Variants in ZNF608 observed in about 807,000 individuals in gnomAD.
The protein encoded by ZNF608 is renal carcinoma antigen NY-REN-36.
Under a neutral mutation model 109.0 loss-of-function variants are expected in ZNF608, and 12 were observed. The ratio of observed to expected loss-of-function variants is 0.11; its 90% CI spans 0.07 to 0.18. The LOEUF is 0.18. ZNF608 is among the 10% of genes least tolerant of loss of function. The pLI is 1.00. For synonymous variants in ZNF608, 732 were observed against 717.4 expected (o/e 1.02, Z -0.33); for missense variants, 1,707 against 1,879.3 (o/e 0.91, Z 1.70).
Position 124,649,093 on chromosome 5 carries a change from C to T in ZNF608, c.1291G>A (p.Gly431Ser). 1.3e-6 allele frequency: 2 copies of T among 1,586,758 alleles called. No individual in the cohort carries two copies. Among genetic ancestry groups the T allele is most frequent in the Non-Finnish European group, 1.7e-6 (2 of 1,170,696 alleles). The part of the protein sequence containing the change: ...SPTSDLEMRG[G>S]RGRGKRARSA... The stretch of plus-strand genomic sequence containing the variant: ...CTCGCTCTCTTCCCTCTGCCCCGGC[C>T]CCCTCTCATCTCCAGGTCACTTGTC... The change falls in exon 5 of 10, where the codon GGC (glycine) becomes AGC (serine). Residue 431 changes from glycine (G) to serine (S), a missense_variant. Coordinates refer to ENST00000513986, the MANE Select transcript of ZNF608 (RefSeq NM_020747.3).
chr5:124,707,859 A>T lies in ZNF608; in HGVS notation c.907-6590T>A, dbSNP rs78100678. The T allele has an allele frequency of 7.2e-5, 11 of 152,326 alleles. 1 individual carries two copies. The East Asian group carries it at 2.1e-3, about 29-fold the overall frequency. The allele number at this position is 152,326 out of a possible 1,614,324, so 9.4% of individuals were successfully genotyped here. On this transcript the variant is annotated intron_variant, in intron 2 of 9. Transcript: ENST00000513986. The stretch of plus-strand genomic sequence containing the variant: ...CTGAATTTCCATCCCTAAAGGACAA[A>T]CCTGTAACAACTGAATTTTGGTCAC...
upstream of ZNF608, chr5:124,746,725 G>T: frequency 2.0e-6 from 2 of 985,172 alleles, no homozygotes; most frequent in Non-Finnish European, 2.4e-6. Flanking sequence ...GCTGGATTCC[G>T]CCTGTTAGTC....
rs138119138 is a variant in ZNF608 at position 124,663,256 on chromosome 5, A to T, written c.1163-13559T>A. On this transcript the variant is annotated intron_variant, in intron 3 of 9. Coordinates refer to ENST00000513986, the MANE Select transcript of ZNF608 (RefSeq NM_020747.3). ...GGCTTTCCGGTTTTCTTTGAAAGAG[A>T]AAACAGGCAGCCCATTATCTCTTCT... Among the ~76,000 whole-genome samples the T allele has an allele frequency of 3.3e-3, 510 of 152,292 alleles. 3 individuals carry two copies. Among genetic ancestry groups the T allele is most frequent in the Middle Eastern group, 0.01 (3 of 294 alleles).
chr5:124,638,178 G>A (rs1750064394), intron 9 of ZNF608, among the ~76,000 whole-genome samples: 1 of 151,908 alleles, frequency 6.6e-6, no homozygotes, highest in Non-Finnish European at 1.5e-5. Context: ...TCAAGCTCCT[G>A]ACCTCAGGTG....
intron 2 of ZNF608, among the ~76,000 whole-genome samples, chr5:124,735,896 G>C (rs1313504273): frequency 2.0e-5 from 3 of 152,062 alleles, no homozygotes; most frequent in African/African-American, 7.2e-5. Context: ...AATACGAATC[G>C]CTTTTCAATT....
At chr5:124,639,524 T>C (rs1425064686) in intron 8 of ZNF608, among the ~76,000 whole-genome samples, 2 of 152,196 alleles carry the variant, frequency 1.3e-5, no homozygotes, top group Non-Finnish European at 2.9e-5. Flanking sequence ...AAATAACAGA[T>C]ACCAGGTAAC....
At chr5:124,650,019 T>C (rs1750710806) in intron 3 of ZNF608, among the ~76,000 whole-genome samples, 1 of 152,268 alleles carries the variant, frequency 6.6e-6, no homozygotes. Context: ...CACTCACCTC[T>C]TAATTTTTCT....
chr5:124,677,315 A>G (rs1483439345), intron 3 of ZNF608, among the ~76,000 whole-genome samples: 1 of 152,222 alleles, frequency 6.6e-6, no homozygotes, highest in Non-Finnish European at 1.5e-5. Context: ...TAAAACACAA[A>G]GTAAATTGTG....
At chr5:124,657,575 G>A (rs561169051) in intron 3 of ZNF608, among the ~76,000 whole-genome samples, 2 of 152,004 alleles carry the variant, frequency 1.3e-5, no homozygotes, top group Non-Finnish European at 2.9e-5. Context: ...CTCGGGAGGC[G>A]GAGGCAGGTG....
intron 3 of ZNF608, among the ~76,000 whole-genome samples, chr5:124,680,631 C>G (rs1421981091): frequency 6.6e-6 from 1 of 152,290 alleles, no homozygotes; most frequent in East Asian, 1.9e-4. Flanking sequence ...TAGAAGCAGA[C>G]AGCCAACAGT....
At chr5:124,645,661 A>C (rs752558019) in intron 5 of ZNF608, among the ~76,000 whole-genome samples, 2 of 152,086 alleles carry the variant, frequency 1.3e-5, no homozygotes, top group African/African-American at 2.4e-5. Flanking sequence ...ACCATGACAG[A>C]AGGTGCTAGT....
rs147777242 is a variant in ZNF608, at chr5:124,723,135, A to G, written c.906+20949T>C. Among the ~76,000 whole-genome samples, 198 of 151,698 alleles carry G rather than the reference A, an allele frequency of 1.3e-3. 2 individuals are homozygous for G. Among genetic ancestry groups the G allele is most frequent in the African/African-American group, 4.6e-3 (191 of 41,336 alleles). On this transcript the variant is annotated intron_variant, in intron 2 of 9. Coordinates refer to ENST00000513986, the MANE Select transcript of ZNF608 (RefSeq NM_020747.3). The stretch of plus-strand genomic sequence containing the variant: ...AGCCTCCGCCTCCCCAGTTCAAGCA[A>G]TTCTCGGTTCTCAGCCTCTCAAATA...
chr5:124,698,031 A>T (rs1752917644), intron 3 of ZNF608, among the ~76,000 whole-genome samples: 1 of 152,236 alleles, frequency 6.6e-6, no homozygotes, highest in Admixed American at 6.5e-5. Context: ...ACAGGACATT[A>T]GTCAAAGGCA....
At chr5:124,735,597 A>G (rs1749109103) in intron 2 of ZNF608, among the ~76,000 whole-genome samples, 1 of 152,242 alleles carries the variant, frequency 6.6e-6, no homozygotes, top group Non-Finnish European at 1.5e-5. Flanking sequence ...GAATGGGGGA[A>G]GGGGAGAGCA....
chr5:124,732,483 A>G (rs978324826), intron 2 of ZNF608, among the ~76,000 whole-genome samples: 1 of 151,900 alleles, frequency 6.6e-6, no homozygotes, highest in African/African-American at 2.4e-5. Context: ...CAACTACAAC[A>G]TGGACAAATG....
chr5:124,704,359 T>C (rs957970338), intron 2 of ZNF608, among the ~76,000 whole-genome samples: 2 of 152,134 alleles, frequency 1.3e-5, no homozygotes, highest in South Asian at 4.1e-4. Flanking sequence ...AGACCAGCAC[T>C]ACCAGTGAGA....
intron 3 of ZNF608, among the ~76,000 whole-genome samples, chr5:124,688,054 C>G (rs1031658504): frequency 3.3e-5 from 5 of 152,054 alleles, no homozygotes; most frequent in South Asian, 2.1e-4. Flanking sequence ...TCTGAAAAAG[C>G]AGAATCCCAA....
intron 3 of ZNF608, among the ~76,000 whole-genome samples, chr5:124,666,021 G>A (rs1027937639): frequency 4.6e-5 from 7 of 152,328 alleles, no homozygotes; most frequent in African/African-American, 1.4e-4. Context: ...TCCATAATGG[G>A]CATGTACGTT....
At chr5:124,665,181 A>T (rs10478636) in intron 3 of ZNF608, among the ~76,000 whole-genome samples, 3 of 105,776 alleles carry the variant, frequency 2.8e-5, no homozygotes, top group Non-Finnish European at 5.4e-5. Context: ...ACCTCCCCCC[A>T]AAAAAAAAAA....
Sources: gnomAD v4.1 joint callset for allele counts (sites outside exome capture counted in the v4.1 genomes callset) on GRCh38, gnomAD v4.1.1 for gene constraint, MANE v1.5 for transcripts, NCBI Gene and HGNC (gene_info 2026-07-23, HGNC 2026-07-21) for gene names.